The following TLK1 variants were observed in gnomAD, a reference collection of about 807,000 sequenced individuals.
TLK1 encodes tousled like kinase 1.
Under a neutral mutation model 105.3 loss-of-function variants are expected in TLK1, and 24 were observed. The ratio of observed to expected loss-of-function variants is 0.23; its 90% CI spans 0.17 to 0.32. The LOEUF (loss-of-function observed/expected upper bound fraction) is 0.32. Among genes scored for constraint, TLK1 ranks in the 10% least tolerant of loss-of-function variants. The pLI is 1.00. For synonymous variants in TLK1, 321 were observed against 310.4 expected (o/e 1.03, Z -0.36); for missense variants, 558 against 910.5 (o/e 0.61, Z 4.98).
rs190044041 is a variant in TLK1 at position 171,023,986 on chromosome 2, G to A, written c.1236+4353C>T. On this transcript the variant is annotated intron_variant, in intron 12 of 20. Transcript: ENST00000431350. Reference sequence around the variant, plus strand: ...TTTTGGTTGGTTTCCTTGAACCCACGATTCCACATGGGCACAGGTAGATAA... The same window carrying A: ...TTTTGGTTGGTTTCCTTGAACCCACAATTCCACATGGGCACAGGTAGATAA... 4.5e-3 allele frequency among the ~76,000 whole-genome samples: 683 copies of A among 152,252 alleles called. 7 individuals are homozygous for A. Among genetic ancestry groups the A allele is most frequent in the African/African-American group, 0.015 (619 of 41,548 alleles).
At chr2:171,105,777 T>C (rs769656473) in intron 2 of TLK1, among the ~76,000 whole-genome samples, 2 of 152,012 alleles carry the variant, frequency 1.3e-5, no homozygotes, top group African/African-American at 4.8e-5. Flanking sequence ...CGAATTAGTA[T>C]AGCCATTATG....
intron 1 of TLK1, among the ~76,000 whole-genome samples, chr2:171,141,724 T>TC (rs1691582274): frequency 6.8e-6 from 1 of 147,766 alleles, no homozygotes; most frequent in African/African-American, 2.5e-5. Flanking sequence ...TCCAGCTCCC[T>TC]CCCCCCAAAA....
intron 1 of TLK1, among the ~76,000 whole-genome samples, chr2:171,178,113 C>T (rs1484254101): frequency 6.6e-6 from 1 of 152,102 alleles, no homozygotes; most frequent in East Asian, 1.9e-4. Context: ...TTTTTGAATG[C>T]TTACTATATG....
chr2:171,171,555 A>G (rs1692730255), intron 1 of TLK1, among the ~76,000 whole-genome samples: 1 of 152,114 alleles, frequency 6.6e-6, no homozygotes, highest in African/African-American at 2.4e-5. Context: ...GGAAAAAGAT[A>G]GTTGCAATAC....
chr2:171,049,734 T>C, intron 10 of TLK1, 80 bp downstream of exon 10: 1 of 1,552,162 alleles, frequency 6.4e-7, no homozygotes, highest in Non-Finnish European at 8.8e-7. Flanking sequence ...CTGGAGAGCA[T>C]AATTACAAAT....
intron 1 of TLK1, among the ~76,000 whole-genome samples, chr2:171,124,767 T>C (rs1690800805): frequency 6.6e-6 from 1 of 152,242 alleles, no homozygotes; most frequent in African/African-American, 2.4e-5. Flanking sequence ...AGATTCCACT[T>C]CAGATTGTAC....
At chr2:171,182,789 G>A (rs77281911) in intron 1 of TLK1, among the ~76,000 whole-genome samples, 6,870 of 151,724 alleles carry the variant, frequency 0.045, 203 homozygotes, top group Middle Eastern at 0.095. Context: ...GTATGGTGGG[G>A]ACATCCCTGT....
At chr2:171,140,531 C>G (rs1333175912) in intron 1 of TLK1, among the ~76,000 whole-genome samples, 1 of 152,102 alleles carries the variant, frequency 6.6e-6, no homozygotes, top group African/African-American at 2.4e-5. Context: ...CCCTGAGCCT[C>G]CCCCAAACTC....
At chr2:171,214,571 A>C (rs1693678917) in intron 1 of TLK1, among the ~76,000 whole-genome samples, 1 of 152,152 alleles carries the variant, frequency 6.6e-6, no homozygotes, top group Non-Finnish European at 1.5e-5. Context: ...GGGCTTGTTA[A>C]TCATTGGTTG....
intron 4 of TLK1, chr2:171,060,135 A>T (rs921157386): frequency 1.4e-5 from 18 of 1,326,420 alleles, no homozygotes; most frequent in Non-Finnish European, 1.7e-5. Flanking sequence ...CCATCCTAAA[A>T]ACAAAGATAA....
At chr2:171,094,972 A>G (rs1002956714) in intron 2 of TLK1, among the ~76,000 whole-genome samples, 1 of 152,214 alleles carries the variant, frequency 6.6e-6, no homozygotes, top group Non-Finnish European at 1.5e-5. Context: ...TGACTGCCAT[A>G]AAGATTTGTT....
chr2:171,121,476 A>C, intron 1 of TLK1, among the ~76,000 whole-genome samples: 1 of 152,218 alleles, frequency 6.6e-6, no homozygotes, highest in East Asian at 1.9e-4. Context: ...GGCTGCAGTG[A>C]GCCAAGATTG....
intron 3 of TLK1, 142 bp downstream of exon 3, chr2:171,082,639 A>G: frequency 1.5e-6 from 1 of 686,028 alleles, no homozygotes; most frequent in Non-Finnish European, 2.6e-6. Context: ...TGTGCTTCAT[A>G]AGGCAGAACA....
chr2:171,077,884 A>G (rs1688583961), intron 3 of TLK1, among the ~76,000 whole-genome samples: 1 of 152,226 alleles, frequency 6.6e-6, no homozygotes, highest in African/African-American at 2.4e-5. Context: ...ATGAAAGTTA[A>G]AAAGTCAAAT....
rs1685523447 is a variant in TLK1 at position 171,021,824 on chromosome 2, G to C, written c.1236+6515C>G. Among the ~76,000 whole-genome samples, 3 of 152,042 alleles carry C rather than the reference G, an allele frequency of 2.0e-5. No individual in the cohort carries two copies. The South Asian group carries it at 6.2e-4, about 32-fold the overall frequency. On this transcript the variant is annotated intron_variant, in intron 12 of 20. Transcript: ENST00000431350. ...ATTAATATTAAACACTGTGGATCAGGCACGGTGGCTCACGCCTGTAATCCC... is the reference window on the plus strand; with the variant it reads ...ATTAATATTAAACACTGTGGATCAGCCACGGTGGCTCACGCCTGTAATCCC...
At chr2:171,189,317 C>T (rs949475173) in intron 1 of TLK1, among the ~76,000 whole-genome samples, 1 of 152,100 alleles carries the variant, frequency 6.6e-6, no homozygotes, top group Non-Finnish European at 1.5e-5. Context: ...CAGGCGCCCA[C>T]CACCATGCCC....
intron 3 of TLK1, among the ~76,000 whole-genome samples, chr2:171,082,147 G>A (rs983470702): frequency 4.6e-5 from 7 of 151,712 alleles, no homozygotes; most frequent in Admixed American, 2.6e-4. Flanking sequence ...TAAAACTCAC[G>A]GAACTTCCTG....
At chr2:171,029,770 G>T (rs1194350215) in intron 11 of TLK1, among the ~76,000 whole-genome samples, 3 of 152,096 alleles carry the variant, frequency 2.0e-5, no homozygotes, top group Non-Finnish European at 4.4e-5. Context: ...AGGCTTATTA[G>T]GGTCTCGCTC....
rs1346683871 is a variant in TLK1, at chr2:170,993,340, T to A, written c.*440A>T. 1 of 153,122 alleles carries A rather than the reference T, an allele frequency of 6.5e-6. No homozygotes were observed. Among genetic ancestry groups the A allele is most frequent in the Non-Finnish European group, 1.5e-5 (1 of 68,388 alleles). 9.5% of individuals were successfully genotyped at this position (153,122 alleles called of 1,614,324 possible). On this transcript the variant is annotated 3_prime_UTR_variant, in exon 21 of 21. Coordinates refer to ENST00000431350, the MANE Select transcript of TLK1 (RefSeq NM_012290.5). ...AATGCTGAAGAATGTATCCAGGCACTATAGTTCGTATGTTAGAAATATGTC... is the reference window on the plus strand; with the variant it reads ...AATGCTGAAGAATGTATCCAGGCACAATAGTTCGTATGTTAGAAATATGTC...
Sources: gnomAD v4.1 joint callset for allele counts (sites outside exome capture counted in the v4.1 genomes callset) on GRCh38, gnomAD v4.1.1 for gene constraint, MANE v1.5 for transcripts, NCBI Gene and HGNC (gene_info 2026-07-23, HGNC 2026-07-21) for gene names.